BTNL8: variants seen among roughly 807,000 people sequenced by gnomAD.
BTNL8 encodes the protein butyrophilin-like protein 8.
In BTNL8, 22 loss-of-function variants were observed where a neutral mutation model predicts 36.1. That is an observed-to-expected ratio of 0.61 (90% confidence interval 0.44 to 0.87). BTNL8 has a LOEUF of 0.87. Ranked by LOEUF, BTNL8 falls within the 40% of genes least tolerant of loss-of-function variation. The pLI is 0.00. For missense variants in BTNL8, 526 were observed against 616.9 expected, an observed-to-expected ratio of 0.85 and a Z score of 1.56; for synonymous variants, 203 against 235.6, an observed-to-expected ratio of 0.86 and a Z score of 1.27.
chr5:180,930,384 C>T (rs1050214204), intron 3 of BTNL8, among the ~76,000 whole-genome samples: 1 of 152,188 alleles, frequency 6.6e-6, no homozygotes, highest in African/African-American at 2.4e-5. Flanking sequence ...GAAGCATTCC[C>T]TTTGAAAACT....
At chr5:180,919,467 G>T (rs554602668) in intron 3 of BTNL8, among the ~76,000 whole-genome samples, 1 of 152,176 alleles carries the variant, frequency 6.6e-6, no homozygotes, top group African/African-American at 2.4e-5. Context: ...CCTCAACACT[G>T]AAGTAGTGAA....
intron 1 of BTNL8, 51 bp from the exon 2 acceptor site, chr5:180,908,535 C>T (rs1757222897): frequency 6.4e-7 from 1 of 1,568,734 alleles, no homozygotes; most frequent in Non-Finnish European, 8.7e-7. Flanking sequence ...TGGCTCCTCC[C>T]CCTCACTACA....
intron 3 of BTNL8, 71 bp downstream of exon 3, chr5:180,911,685 TC>T: frequency 1.4e-6 from 2 of 1,414,992 alleles, no homozygotes; most frequent in Non-Finnish European, 1.9e-6. Flanking sequence ...GACAGGAGCC[TC>T]CATCTTGGCA....
At chr5:180,911,233 G>A in intron 2 of BTNL8, 106 bp from the exon 3 acceptor site, 1 of 1,513,938 alleles carries the variant, frequency 6.6e-7, no homozygotes, top group Non-Finnish European at 9.0e-7. Context: ...GTTTGTGTGT[G>A]TAAGAGAGAG....
At chr5:180,938,544 CTTTT>C (rs527307483) in intron 3 of BTNL8, among the ~76,000 whole-genome samples, 1 of 137,276 alleles carries the variant, frequency 7.3e-6, no homozygotes, top group Non-Finnish European at 1.5e-5. Flanking sequence ...TCCTTTCTTT[CTTTT>C]TTTTTTTTTT....
At chr5:180,923,665 G>A (rs1003634955) in intron 3 of BTNL8, among the ~76,000 whole-genome samples, 2 of 151,780 alleles carry the variant, frequency 1.3e-5, no homozygotes, top group African/African-American at 2.4e-5. Context: ...AAAAAAGAAA[G>A]AAAGTGAAAA....
In BTNL8 at chr5:180,950,548, G is replaced by T. The variant is rs1231745509; in HGVS notation, c.*4G>T. 2 of 1,460,834 alleles carry T rather than the reference G, an allele frequency of 1.4e-6. 1 individual carries two copies. The highest frequency in any genetic ancestry group is 1.9e-6 in the Non-Finnish European group (2 of 1,058,744). 90.5% of individuals were successfully genotyped at this position (1,460,834 alleles called of 1,614,324 possible). A position where few individuals can be genotyped will look rare whatever the true frequency, so the allele number is the denominator to read the frequency against. On this transcript the variant is annotated 3_prime_UTR_variant, in exon 8 of 8. Coordinates refer to ENST00000340184, the MANE Select transcript of BTNL8 (RefSeq NM_001040462.3). ...CCTCCCCAGGGGTGAAATGTAGGAT[G>T]AATCACATCCCACATTCTTCTTTAG...
chr5:180,900,188 G>A (rs145871896), intron 1 of BTNL8, among the ~76,000 whole-genome samples: 2 of 152,206 alleles, frequency 1.3e-5, no homozygotes, highest in Admixed American at 6.5e-5. Flanking sequence ...ATTTTCTGAC[G>A]AGCTTCTTTG....
intron 1 of BTNL8, among the ~76,000 whole-genome samples, chr5:180,900,667 C>T (rs189962547): frequency 6.6e-6 from 1 of 152,290 alleles, no homozygotes; most frequent in East Asian, 1.9e-4. Flanking sequence ...AAGACAAGGG[C>T]CTTCCTGCCA....
chr5:180,947,909 C>A, intron 4 of BTNL8: 2 of 1,079,036 alleles, frequency 1.9e-6, no homozygotes, highest in Non-Finnish European at 2.7e-6. Flanking sequence ...TGAACACCAC[C>A]AAGACTCCTA....
Position 180,950,722 on chromosome 5 carries a change from T to C in BTNL8, c.*178T>C. 1 of 671,722 alleles carries C rather than the reference T, an allele frequency of 1.5e-6. No homozygotes were observed. The highest frequency in any genetic ancestry group is 3.1e-5 in the East Asian group (1 of 32,278). 41.6% of individuals were successfully genotyped at this position (671,722 alleles called of 1,614,324 possible). On this transcript the variant is annotated 3_prime_UTR_variant, in exon 8 of 8. Transcript: ENST00000340184. ...GGAAGAAGGCTGACATTACATTTAGTTTGCTCTCACTCCATCTGGCTAAGT... is the reference window on the plus strand; with the variant it reads ...GGAAGAAGGCTGACATTACATTTAGCTTGCTCTCACTCCATCTGGCTAAGT...
At chr5:180,937,023 T>C (rs1395341151) in intron 3 of BTNL8, among the ~76,000 whole-genome samples, 1 of 152,150 alleles carries the variant, frequency 6.6e-6, no homozygotes, top group Non-Finnish European at 1.5e-5. Flanking sequence ...CCTGCTGCCA[T>C]GACTTCATAT....
Position 180,935,204 on chromosome 5 carries a change from C to T in BTNL8, c.674-12308C>T, listed in dbSNP as rs1758588853. Among the ~76,000 whole-genome samples the T allele has an allele frequency of 6.6e-6, 1 of 152,168 alleles. No individual in the cohort carries two copies. The highest frequency in any genetic ancestry group is 1.5e-5 in the Non-Finnish European group (1 of 68,026). ...TTCTGACTCCAGGCAGTGGACTCCA[C>T]CCGGAACTGGCAGCCCAGCCCCCAG... On this transcript the variant is annotated intron_variant, in intron 3 of 7. Coordinates refer to ENST00000340184, the MANE Select transcript of BTNL8 (RefSeq NM_001040462.3). This position sits in a 1 kb window ranked among gnomAD's most constrained non-coding sequence, Gnocchi z 4.8.
At chr5:180,948,546 G>A (rs1004033056) in intron 5 of BTNL8, 171 bp downstream of exon 5, 53 of 1,582,308 alleles carry the variant, frequency 3.3e-5, no homozygotes, top group African/African-American at 3.3e-4. Flanking sequence ...GTTACCCCTC[G>A]GACATCTGGA....
chr5:180,929,562 G>A (rs1260551637), intron 3 of BTNL8, among the ~76,000 whole-genome samples: 3 of 151,914 alleles, frequency 2.0e-5, no homozygotes, highest in Admixed American at 6.6e-5. Flanking sequence ...TAGATAGACC[G>A]TTAGTGAGAC....
Position 180,949,669 on chromosome 5 carries a change from T to C in BTNL8, c.863-235T>C, listed in dbSNP as rs879213472. On this transcript the variant is annotated intron_variant, in intron 7 of 7. Coordinates refer to ENST00000340184, the MANE Select transcript of BTNL8 (RefSeq NM_001040462.3). ...TATGTATGAAGGGACAGTGGCAGGG[T>C]TGGGTGATATGCCGAGATTGGGACG... 7 of 572,148 alleles carry C rather than the reference T, an allele frequency of 1.2e-5. 1 individual carries two copies. Among genetic ancestry groups the C allele is most frequent in the Non-Finnish European group, 2.1e-5 (7 of 331,220 alleles). The allele number at this position is 572,148 out of a possible 1,614,324, so 35.4% of individuals were successfully genotyped here.
rs549440974 is a variant in BTNL8, at chr5:180,899,357, C to T, written c.47C>T (p.Ser16Leu). Residue 16 changes from serine (S) to leucine (L), a missense_variant and splice_region_variant, in exon 1 of 8, where the codon TCA (serine) becomes TTA (leucine). Physicochemically the swap from Ser to Leu is moderately radical, Grantham distance 145. Around this residue, in one of 2 missense-constraint regions of BTNL8, gnomAD observed 350 missense variants for 324.6 expected, o/e 1.08. Coordinates refer to ENST00000340184, the MANE Select transcript of BTNL8 (RefSeq NM_001040462.3). ...SLVLSLLKLG[S>L]GQWQVFGPDK... The stretch of plus-strand genomic sequence containing the variant: ...GTTCTGAGTCTCCTCAAGCTGGGAT[C>T]AGGTAAGACTCATCTTTGTTTCCTC... The T allele has an allele frequency of 6.2e-7, 1 of 1,613,602 alleles. No homozygotes were observed. Among genetic ancestry groups the T allele is most frequent in the African/African-American group, 1.3e-5 (1 of 75,050 alleles).
At chr5:180,941,842 CAGAATGGGGAAA>C (rs1758973430) in intron 3 of BTNL8, among the ~76,000 whole-genome samples, 1 of 108,642 alleles carries the variant, frequency 9.2e-6, no homozygotes, top group African/African-American at 4.1e-5. Context: ...TAACATCATA[CAGAATGGGGAAA>C]AGTTGAAAGC....
At chr5:180,923,869 A>G (rs1757980450) in intron 3 of BTNL8, among the ~76,000 whole-genome samples, 1 of 152,208 alleles carries the variant, frequency 6.6e-6, no homozygotes. Context: ...AAACAAACAA[A>G]TATGCCATGT....
Sources: gnomAD v4.1 joint callset for allele counts (sites outside exome capture counted in the v4.1 genomes callset) on GRCh38, gnomAD v4.1.1 for gene constraint, gnomAD v4.1.1 regional missense constraint, Gnocchi (gnomAD v3.1) non-coding constraint, MANE v1.5 for transcripts, NCBI Gene and HGNC (gene_info 2026-07-23, HGNC 2026-07-21) for gene names.